Variants in CIMIP5 observed in about 807,000 individuals in gnomAD.
The protein encoded by CIMIP5 is ciliary microtubule inner protein 5, also known as uncharacterized protein C2orf50.
the CIMIP5 span, among the ~76,000 whole-genome samples, chr2:11,141,824 T>C: frequency 6.6e-6 from 1 of 151,546 alleles, no homozygotes; most frequent in Non-Finnish European, 1.5e-5. Flanking sequence ...AATAACATTA[T>C]TTTTTAAAAA....
the CIMIP5 span, among the ~76,000 whole-genome samples, chr2:11,149,280 A>G: frequency 1.3e-5 from 2 of 151,542 alleles, no homozygotes; most frequent in Admixed American, 6.6e-5. Context: ...CACTGAGGAC[A>G]ACGCTACCTA....
the CIMIP5 span, chr2:11,143,833 G>T: frequency 6.1e-6 from 7 of 1,154,462 alleles, no homozygotes; most frequent in Non-Finnish European, 8.2e-6. Flanking sequence ...CACAAAGAGA[G>T]GCAGCTGCTC....
the CIMIP5 span, among the ~76,000 whole-genome samples, chr2:11,152,107 G>A: frequency 6.6e-6 from 1 of 152,216 alleles, no homozygotes; most frequent in Non-Finnish European, 1.5e-5. Flanking sequence ...TGGTCTGGGT[G>A]GTGTCAGCTG....
the CIMIP5 span, among the ~76,000 whole-genome samples, chr2:11,140,307 G>A: frequency 6.0e-5 from 9 of 150,956 alleles, no homozygotes; most frequent in Non-Finnish European, 1.3e-4. Flanking sequence ...CCCGGGAGGC[G>A]GAGCTTGCAG....
the CIMIP5 span, among the ~76,000 whole-genome samples, chr2:11,153,447 C>A: frequency 6.6e-6 from 1 of 152,200 alleles, no homozygotes; most frequent in East Asian, 1.9e-4. Context: ...CCTGGCCAAC[C>A]CCTGGAATAA....
At chr2:11,148,118 A>ATTTTT in the CIMIP5 span, among the ~76,000 whole-genome samples, 5 of 143,092 alleles carry the variant, frequency 3.5e-5, no homozygotes, top group African/African-American at 1.0e-4. Flanking sequence ...CTTGCTTCAC[A>ATTTTT]TTTTTTTTTT....
the CIMIP5 span, chr2:11,133,470 T>C: frequency 8.5e-5 from 136 of 1,608,946 alleles, no homozygotes; most frequent in Non-Finnish European, 9.5e-5. Context: ...TGCTGGTGGC[T>C]GCCAGGCCCC....
the CIMIP5 span, chr2:11,140,615 C>T: frequency 2.4e-6 from 3 of 1,273,942 alleles, no homozygotes; most frequent in African/African-American, 1.5e-5. Context: ...TTCCATCATT[C>T]AACTAACATT....
At chr2:11,152,725 C>T in the CIMIP5 span, among the ~76,000 whole-genome samples, 1 of 152,090 alleles carries the variant, frequency 6.6e-6, no homozygotes, top group Admixed American at 6.5e-5. Flanking sequence ...ACTCCCCAAC[C>T]TCCTGAAGGG....
At chr2:11,147,398 G>C in the CIMIP5 span, among the ~76,000 whole-genome samples, 3,300 of 152,266 alleles carry the variant, frequency 0.022, 122 homozygotes, top group African/African-American at 0.075. Flanking sequence ...TGAGCATTCA[G>C]GGAGTACTGA....
chr2:11,140,568 C>A, the CIMIP5 span: 1 of 1,540,202 alleles, frequency 6.5e-7, no homozygotes, highest in Non-Finnish European at 8.9e-7. Flanking sequence ...AAATATGTTC[C>A]TGCCAAACAT....
At chr2:11,146,302 G>T in the CIMIP5 span, among the ~76,000 whole-genome samples, 1 of 152,216 alleles carries the variant, frequency 6.6e-6, no homozygotes, top group African/African-American at 2.4e-5. Flanking sequence ...CAGCTGGCAA[G>T]TGGTGAAGCT....
chr2:11,151,302 CTT>C, the CIMIP5 span, among the ~76,000 whole-genome samples: 4 of 152,236 alleles, frequency 2.6e-5, no homozygotes, highest in Non-Finnish European at 5.9e-5. Flanking sequence ...GCAAAATAAA[CTT>C]TTAAATTGCT....
chr2:11,135,348 C>T, the CIMIP5 span, among the ~76,000 whole-genome samples: 28 of 152,338 alleles, frequency 1.8e-4, 1 homozygote, highest in Non-Finnish European at 1.2e-4. Context: ...TTTCTCCACA[C>T]GCTGGCCAAC....
chr2:11,141,639 A>G, the CIMIP5 span, among the ~76,000 whole-genome samples: 11 of 152,232 alleles, frequency 7.2e-5, no homozygotes, highest in African/African-American at 2.4e-4. Context: ...TTGGTATTCC[A>G]TGTAATGTAA....
At chr2:11,148,842 C>A in the CIMIP5 span, among the ~76,000 whole-genome samples, 1 of 146,050 alleles carries the variant, frequency 6.8e-6, no homozygotes, top group Middle Eastern at 3.6e-3. Context: ...TCAAGCGATT[C>A]TCCTGCCTCG....
chr2:11,137,093 T>G, the CIMIP5 span, among the ~76,000 whole-genome samples: 2 of 151,926 alleles, frequency 1.3e-5, no homozygotes, highest in Non-Finnish European at 2.9e-5. Flanking sequence ...AAACAAGAGG[T>G]CGGGCACAAT....
At chr2:11,134,385 T>G in the CIMIP5 span, among the ~76,000 whole-genome samples, 1 of 152,194 alleles carries the variant, frequency 6.6e-6, no homozygotes, top group Non-Finnish European at 1.5e-5. Flanking sequence ...GAACATGGCA[T>G]GATCTCGATT....
the CIMIP5 span, among the ~76,000 whole-genome samples, chr2:11,153,011 CG>C: frequency 6.6e-6 from 1 of 152,190 alleles, no homozygotes; most frequent in Non-Finnish European, 1.5e-5. Context: ...ACCTTCTGAG[CG>C]GGATGGTTCT....
Sources: gnomAD v4.1 joint callset for allele counts (sites outside exome capture counted in the v4.1 genomes callset) on GRCh38, gnomAD v4.1.1 for gene constraint, MANE v1.5 for transcripts, NCBI Gene and HGNC (gene_info 2026-07-23, HGNC 2026-07-21) for gene names.